The following DPY19L2 variants were observed in gnomAD, a reference collection of about 807,000 sequenced individuals.
DPY19L2 encodes probable C-mannosyltransferase DPY19L2.
A neutral mutation model predicts 97.9 loss-of-function variants in DPY19L2; 34 were observed. The ratio of observed to expected loss-of-function variants is 0.35; its 90% CI spans 0.26 to 0.46. DPY19L2 has a LOEUF of 0.46. DPY19L2 is among the 20% of genes least tolerant of loss of function. The probability of loss-of-function intolerance (pLI) is 1.00; values close to 1 mark genes in which losing one functional copy is unlikely to be tolerated. For missense variants in DPY19L2, 623 were observed against 911.4 expected (o/e 0.68, Z 4.07); for synonymous variants, 230 against 307.9 (o/e 0.75, Z 2.65).
intron 16 of DPY19L2, among the ~76,000 whole-genome samples, chr12:63,589,046 C>G (rs1358328213): frequency 6.6e-6 from 1 of 151,876 alleles, no homozygotes; most frequent in Admixed American, 6.6e-5. Flanking sequence ...AGCCACCGCG[C>G]CTGGCCAAGG....
chr12:63,574,594 G>A (rs1306317476), intron 19 of DPY19L2, among the ~76,000 whole-genome samples: 40 of 151,734 alleles, frequency 2.6e-4, no homozygotes, highest in Admixed American at 2.6e-3. Context: ...AATATAGACT[G>A]AAAACAAAGG....
intron 6 of DPY19L2, among the ~76,000 whole-genome samples, chr12:63,636,573 T>G (rs1592679633): frequency 6.6e-6 from 1 of 151,876 alleles, no homozygotes; most frequent in African/African-American, 2.4e-5. Flanking sequence ...AAAAAAGGGA[T>G]GGAGGAAGAT....
Position 63,560,479 on chromosome 12 carries a change from C to T in DPY19L2, c.*33G>A. The T allele has an allele frequency of 1.2e-6, 2 of 1,603,172 alleles. No homozygotes were observed. On this transcript the variant is annotated 3_prime_UTR_variant, in exon 22 of 22. Coordinates refer to ENST00000324472, the MANE Select transcript of DPY19L2 (RefSeq NM_173812.5). ...AAGGGTGATTGTTTTTGACACACGG[C>T]ATTGTGCCATAGTAAAATGGGTAGT...
At chr12:63,643,152 T>C (rs1320313236) in intron 6 of DPY19L2, among the ~76,000 whole-genome samples, 1 of 152,076 alleles carries the variant, frequency 6.6e-6, no homozygotes, top group Non-Finnish European at 1.5e-5. Context: ...AAATACTGTA[T>C]CCATAAACTT....
intron 13 of DPY19L2, among the ~76,000 whole-genome samples, chr12:63,599,073 T>G (rs1884706520): frequency 6.6e-6 from 1 of 151,350 alleles, no homozygotes; most frequent in Admixed American, 6.6e-5. Flanking sequence ...CTCAGGAAGC[T>G]GAGGCACGAG....
chr12:63,638,099 G>T (rs1892059864), intron 6 of DPY19L2, among the ~76,000 whole-genome samples: 1 of 152,072 alleles, frequency 6.6e-6, no homozygotes, highest in South Asian at 2.1e-4. Flanking sequence ...CAGAACCAAA[G>T]ACAAAAACCA....
chr12:63,661,414 A>G lies in DPY19L2; in HGVS notation c.518T>C (p.Ile173Thr). The part of the protein sequence containing the change: ...APSFLEGLWM[I>T]MNDRLTEYPL... The stretch of plus-strand genomic sequence containing the variant: ...ATATTCAGTAAGCCTGTCATTCATA[A>G]TCATCCACAGTCCTTCCAAAAACGA... The change falls in exon 4 of 22, where the codon ATT (isoleucine) becomes ACT (threonine). Residue 173 changes from isoleucine to threonine, a missense_variant. This residue lies in a region of DPY19L2 where 84 missense variants were observed against 125.4 expected (regional missense o/e 0.67). Coordinates refer to ENST00000324472, the MANE Select transcript of DPY19L2 (RefSeq NM_173812.5). 2 of 1,605,400 alleles carry G rather than the reference A, an allele frequency of 1.2e-6. No homozygotes were observed. The highest frequency in any genetic ancestry group is 1.7e-6 in the Non-Finnish European group (2 of 1,177,246).
chr12:63,636,376 G>A (rs1891698638), intron 6 of DPY19L2, among the ~76,000 whole-genome samples: 1 of 152,086 alleles, frequency 6.6e-6, no homozygotes. Context: ...CAACTAACGA[G>A]CAAAATAACC....
At chr12:63,645,086 A>ATG (rs56147827) in intron 5 of DPY19L2, among the ~76,000 whole-genome samples, 181 of 150,580 alleles carry the variant, frequency 1.2e-3, no homozygotes, top group African/African-American at 3.1e-3. Flanking sequence ...ATAGAAGATC[A>ATG]TGTGTGTGTG....
chr12:63,649,295 G>A (rs1913211), intron 4 of DPY19L2, among the ~76,000 whole-genome samples: 1 of 151,996 alleles, frequency 6.6e-6, no homozygotes, highest in African/African-American at 2.4e-5. Flanking sequence ...AAACCAACCC[G>A]AAATCTAGCA....
rs182813944 is a variant in DPY19L2, at chr12:63,663,885, T to A, written c.363-40A>T. 587 of 1,359,006 alleles carry A rather than the reference T, an allele frequency of 4.3e-4. 3 individuals are homozygous for A. In the African/African-American group the frequency reaches 7.9e-3, roughly 18 times the overall value. The allele number at this position is 1,359,006 out of a possible 1,614,324, so 84.2% of individuals were successfully genotyped here. A position where few individuals can be genotyped will look rare whatever the true frequency, so the allele number is the denominator to read the frequency against. ...AGTATCATATTACAATAAGAACGAG[T>A]TTCAAAACTAACAGTAAAATAAGCA... On this transcript the variant is annotated intron_variant, in intron 2 of 21. Transcript: ENST00000324472.
At chr12:63,659,064 A>G (rs944880309) in intron 4 of DPY19L2, among the ~76,000 whole-genome samples, 4 of 152,150 alleles carry the variant, frequency 2.6e-5, no homozygotes, top group Non-Finnish European at 5.9e-5. Flanking sequence ...TTATACCTCA[A>G]TAAAGCTGTT....
intron 8 of DPY19L2, among the ~76,000 whole-genome samples, chr12:63,622,504 T>C (rs758318096): frequency 6.6e-6 from 1 of 152,206 alleles, no homozygotes; most frequent in Admixed American, 6.5e-5. Context: ...GCCACCCCAG[T>C]ACACTACTAT....
chr12:63,632,913 T>C (rs371473601), intron 6 of DPY19L2, among the ~76,000 whole-genome samples: 1 of 152,070 alleles, frequency 6.6e-6, no homozygotes, highest in South Asian at 2.1e-4. Context: ...TAATGCTGCA[T>C]ATCTACAACC....
intron 6 of DPY19L2, among the ~76,000 whole-genome samples, chr12:63,641,274 TC>T (rs138582553): frequency 0.28 from 42,947 of 151,900 alleles, 6,672 homozygotes; most frequent in African/African-American, 0.43. Context: ...GGAATCCTTT[TC>T]CCTCAAAATA....
rs745883483 is a variant in DPY19L2, at chr12:63,570,901, A to G, written c.1901-44T>C. 1.9e-6 allele frequency: 3 copies of G among 1,578,566 alleles called. No homozygotes were observed. The African/African-American group carries it at 4.1e-5, about 22-fold the overall frequency. Reference sequence around the variant, plus strand: ...TATATTCTTCAATTAAATGTTTTAAAGAAAATCAGAAGTTAAACTTACCTC... The same window carrying G: ...TATATTCTTCAATTAAATGTTTTAAGGAAAATCAGAAGTTAAACTTACCTC... On this transcript the variant is annotated intron_variant, in intron 19 of 21. Transcript: ENST00000324472.
At chr12:63,657,590 A>G (rs1443901579) in intron 4 of DPY19L2, among the ~76,000 whole-genome samples, 1 of 151,456 alleles carries the variant, frequency 6.6e-6, no homozygotes, top group African/African-American at 2.4e-5. Context: ...CTCTTTCACC[A>G]GCTTCACTGG....
At chr12:63,626,574 T>C in intron 6 of DPY19L2, 48 bp from the exon 7 acceptor site, 9 of 1,540,380 alleles carry the variant, frequency 5.8e-6, no homozygotes, top group Non-Finnish European at 7.0e-6. Context: ...AAAATTCATG[T>C]AAAATACAGT....
intron 8 of DPY19L2, among the ~76,000 whole-genome samples, chr12:63,622,432 A>G (rs1022352830): frequency 3.9e-5 from 6 of 152,200 alleles, no homozygotes; most frequent in African/African-American, 1.2e-4. Flanking sequence ...ATTCAACCGC[A>G]GAATATACTT....
Sources: gnomAD v4.1 joint callset for allele counts (sites outside exome capture counted in the v4.1 genomes callset) on GRCh38, gnomAD v4.1.1 for gene constraint, gnomAD v4.1.1 regional missense constraint, MANE v1.5 for transcripts, NCBI Gene and HGNC (gene_info 2026-07-23, HGNC 2026-07-21) for gene names.